DGKI: variants seen among roughly 807,000 people sequenced by gnomAD.
DGKI encodes the protein diacylglycerol kinase iota.
In DGKI, 55 loss-of-function variants were observed where a neutral mutation model predicts 147.5. The ratio of observed to expected loss-of-function variants is 0.37; its 90% CI spans 0.30 to 0.47. DGKI has a LOEUF of 0.47. DGKI is among the 20% of genes least tolerant of loss of function. DGKI has a pLI of 1.00. For missense variants in DGKI, 1,007 were observed against 1,323.8 expected (o/e 0.76, Z 3.71); for synonymous variants, 469 against 477.1 (o/e 0.98, Z 0.22).
At chr7:137,818,510 T>C (rs1797803481) in intron 1 of DGKI, among the ~76,000 whole-genome samples, 1 of 152,202 alleles carries the variant, frequency 6.6e-6, no homozygotes, top group African/African-American at 2.4e-5. Flanking sequence ...CACTGCAACC[T>C]CCGACTCCCA....
At chr7:137,821,137 T>A (rs1178840388) in intron 1 of DGKI, among the ~76,000 whole-genome samples, 1 of 152,092 alleles carries the variant, frequency 6.6e-6, no homozygotes, top group Admixed American at 6.5e-5. Flanking sequence ...GAATGACAAG[T>A]CTCAGGGCTT....
chr7:137,381,284 T>C lies in DGKI; in HGVS notation c.*9936A>G, dbSNP rs1300045510. ...AAAAACTTCATTCTTCCCTTTCCCA[T>C]CCCACCCCCCCCCCCCCACCCACCC... On this transcript the variant is annotated 3_prime_UTR_variant, in exon 33 of 33. Coordinates refer to ENST00000614521, the MANE Select transcript of DGKI (RefSeq NM_001321708.2). 4 of 2,368 alleles carry C rather than the reference T, an allele frequency of 1.7e-3. No homozygotes were observed. The highest frequency in any genetic ancestry group is 6.5e-3 in the African/African-American group (4 of 612). 0.1% of individuals were successfully genotyped at this position (2,368 alleles called of 1,614,324 possible).
chr7:137,699,031 A>G (rs1823888058), intron 1 of DGKI, among the ~76,000 whole-genome samples: 1 of 152,226 alleles, frequency 6.6e-6, no homozygotes, highest in Admixed American at 6.5e-5. Context: ...CTTATGAACA[A>G]CAGACATTTA....
At chr7:137,516,337 A>C (rs1206704465) in intron 21 of DGKI, among the ~76,000 whole-genome samples, 1 of 152,136 alleles carries the variant, frequency 6.6e-6, no homozygotes, top group African/African-American at 2.4e-5. Flanking sequence ...TTCTTAAGAA[A>C]TGTCTAGTTT....
At chr7:137,422,243 G>A (rs1812600703) in intron 28 of DGKI, among the ~76,000 whole-genome samples, 1 of 152,174 alleles carries the variant, frequency 6.6e-6, no homozygotes, top group Admixed American at 6.5e-5. Context: ...CACTCTTCCA[G>A]AATCACAGCA....
intron 10 of DGKI, among the ~76,000 whole-genome samples, chr7:137,608,453 TGG>T (rs1820255979): frequency 6.6e-6 from 1 of 152,182 alleles, no homozygotes; most frequent in Non-Finnish European, 1.5e-5. Context: ...CTATTGGATT[TGG>T]GCTAGGACCA....
intron 10 of DGKI, 79 bp from the exon 11 acceptor site, chr7:137,599,984 C>T: frequency 1.5e-5 from 18 of 1,237,438 alleles, no homozygotes; most frequent in Non-Finnish European, 2.0e-5. Context: ...AAAATAAATA[C>T]TTTTATTTAA....
chr7:137,459,470 ATT>A (rs68045398), intron 27 of DGKI, among the ~76,000 whole-genome samples: 4,212 of 106,998 alleles, frequency 0.039, 19 homozygotes, highest in Middle Eastern at 0.097. Context: ...AATTTTTTAA[ATT>A]TTTTTTTTTT....
intron 22 of DGKI, among the ~76,000 whole-genome samples, chr7:137,486,027 A>C (rs145108890): frequency 3.3e-5 from 5 of 152,202 alleles, no homozygotes; most frequent in Non-Finnish European, 7.4e-5. Context: ...TTTATAACGA[A>C]CTTGTCACCA....
chr7:137,678,589 G>A lies in DGKI; in HGVS notation c.574C>T (p.Leu192Phe), dbSNP rs1458893441. Residue 192 changes from leucine (L) to phenylalanine (F), a missense_variant, in exon 3 of 33, where the codon CTT (leucine) becomes TTT (phenylalanine). By Grantham distance (22) the Leu-to-Phe change is conservative (BLOSUM62 0). Around this residue, in one of 5 missense-constraint regions of DGKI, gnomAD observed 259 missense variants for 362.5 expected, o/e 0.71. Transcript: ENST00000614521. ...CTGACTTGGCAGTTCTCCTCTCCAAGGTAGCAGAGGTCTCCCGAGACGTTG... is the reference window on the plus strand; with the variant it reads ...CTGACTTGGCAGTTCTCCTCTCCAAAGTAGCAGAGGTCTCCCGAGACGTTG... ...ETNVSGDLCY[L>F]GEENCQVRFA... 3 of 1,614,102 alleles carry A rather than the reference G, an allele frequency of 1.9e-6. No homozygotes were observed. Among genetic ancestry groups the A allele is most frequent in the Non-Finnish European group, 2.5e-6 (3 of 1,179,980 alleles).
chr7:137,439,753 T>C (rs1033300747), intron 28 of DGKI, among the ~76,000 whole-genome samples: 12 of 152,190 alleles, frequency 7.9e-5, no homozygotes, highest in Non-Finnish European at 1.8e-4. Flanking sequence ...AAATAGCCAT[T>C]ACTGCAATTC....
At chr7:137,452,417 C>A (rs933925656) in intron 27 of DGKI, among the ~76,000 whole-genome samples, 1 of 152,180 alleles carries the variant, frequency 6.6e-6, no homozygotes, top group Admixed American at 6.6e-5. Context: ...GGAAACAAAG[C>A]GGGAATGCTG....
chr7:137,599,025 A>C (rs1434936473), intron 11 of DGKI, among the ~76,000 whole-genome samples: 1 of 152,190 alleles, frequency 6.6e-6, no homozygotes, highest in Admixed American at 6.5e-5. Context: ...CAAGAATACT[A>C]TTTCTCTAGA....
At position 137,465,872 on chromosome 7, in the gene DGKI, A is replaced by G. The variant is rs58491252; in HGVS notation, c.2612+36T>C. ...GCGAACCAGACATGGATGTCACCCTAAGGCCAGCCTCACAGGCCAGGAGAA... is the reference window on the plus strand; with the variant it reads ...GCGAACCAGACATGGATGTCACCCTGAGGCCAGCCTCACAGGCCAGGAGAA... On this transcript the variant is annotated intron_variant, in intron 26 of 32. Coordinates refer to ENST00000614521, the MANE Select transcript of DGKI (RefSeq NM_001321708.2). The G allele has an allele frequency of 0.016, 26,054 of 1,606,162 alleles. 3,630 individuals carry two copies. The African/African-American group carries it at 0.31, about 19-fold the overall frequency.
Position 137,787,715 on chromosome 7 carries a change from C to G in DGKI, c.401+58747G>C, listed in dbSNP as rs532941424. Among the ~76,000 whole-genome samples the G allele has an allele frequency of 1.4e-4, 22 of 152,198 alleles. 1 individual carries two copies. In the South Asian group the frequency reaches 1.9e-3, roughly 13 times the overall value. On this transcript the variant is annotated intron_variant, in intron 1 of 32. Transcript: ENST00000614521. ...AAAAATATGGAACCAGCCCAAATGC[C>G]CATCAATCAATGAGTGGATAAAGAA...
At chr7:137,413,903 G>C (rs1812259278) in intron 28 of DGKI, among the ~76,000 whole-genome samples, 1 of 152,188 alleles carries the variant, frequency 6.6e-6, no homozygotes, top group Non-Finnish European at 1.5e-5. Flanking sequence ...TCTAACAACA[G>C]TGTATAAGCA....
intron 1 of DGKI, among the ~76,000 whole-genome samples, chr7:137,726,762 A>C (rs1282633718): frequency 6.6e-6 from 1 of 152,190 alleles, no homozygotes; most frequent in African/African-American, 2.4e-5. Context: ...TTAGGGTTCA[A>C]AGATTTTTAG....
In DGKI at chr7:137,821,663, GAAAGAAAGA is replaced by G. The variant is rs571538487; in HGVS notation, c.401+24790_401+24798del. 1.1e-4 allele frequency among the ~76,000 whole-genome samples: 17 copies of G among 148,746 alleles called. No individual in the cohort carries two copies. In the East Asian group the frequency reaches 2.7e-3, roughly 24 times the overall value. On this transcript the variant is annotated intron_variant, in intron 1 of 32. Coordinates refer to ENST00000614521, the MANE Select transcript of DGKI (RefSeq NM_001321708.2). ...AGACATACATCAGAAAAAAAAAAAAGAAAGAAAGAAAAGAAAGAAAACAGGAGATGACAA... is the reference window on the plus strand; with the variant it reads ...AGACATACATCAGAAAAAAAAAAAAGAAAGAAAGAAAACAGGAGATGACAA...
chr7:137,688,150 T>C (rs1484559471), intron 2 of DGKI, among the ~76,000 whole-genome samples: 1 of 152,212 alleles, frequency 6.6e-6, no homozygotes, highest in Non-Finnish European at 1.5e-5. Flanking sequence ...TTTTGTTGCA[T>C]TCCAGTGACG....
Sources: gnomAD v4.1 joint callset for allele counts (sites outside exome capture counted in the v4.1 genomes callset) on GRCh38, gnomAD v4.1.1 for gene constraint, gnomAD v4.1.1 regional missense constraint, MANE v1.5 for transcripts, NCBI Gene and HGNC (gene_info 2026-07-23, HGNC 2026-07-21) for gene names.